TPTE: variants seen among roughly 807,000 people sequenced by gnomAD.
TPTE encodes the protein transmembrane phosphatase with tensin homology, also known as putative tyrosine-protein phosphatase TPTE.
TPTE carries 59 observed loss-of-function variants against 84.1 expected under a neutral mutation model. The ratio of observed to expected loss-of-function variants is 0.70; its 90% CI spans 0.57 to 0.87. The LOEUF (loss-of-function observed/expected upper bound fraction) is 0.87. Ranked by LOEUF, TPTE falls within the 40% of genes least tolerant of loss-of-function variation. The pLI is 0.00. For missense variants in TPTE, 382 were observed against 659.6 expected (o/e 0.58, Z 4.61); for synonymous variants, 130 against 223.5 (o/e 0.58, Z 3.73).
chr21:10,600,575 T>A (rs1978348972), intron 21 of TPTE, among the ~76,000 whole-genome samples: 1 of 152,312 alleles, frequency 6.6e-6, no homozygotes, highest in South Asian at 2.1e-4. Flanking sequence ...AATGAAATTT[T>A]TGCATTCTGC....
chr21:10,579,931 C>T (rs1187739424), intron 17 of TPTE, among the ~76,000 whole-genome samples: 5 of 152,304 alleles, frequency 3.3e-5, no homozygotes, highest in African/African-American at 1.2e-4. Context: ...TTTGAGAAAT[C>T]TCAGTGCTGT....
chr21:10,565,339 G>A (rs1242788998), intron 10 of TPTE, among the ~76,000 whole-genome samples: 2 of 152,306 alleles, frequency 1.3e-5, no homozygotes, highest in African/African-American at 2.4e-5. Context: ...ATAAAACACT[G>A]ATGAAAGAAA....
At chr21:10,566,977 C>CAAAAAAAAAAAAAAAAAAAACAAAAAA in intron 10 of TPTE, among the ~76,000 whole-genome samples, 1 of 126,114 alleles carries the variant, frequency 7.9e-6, no homozygotes, top group Non-Finnish European at 1.8e-5. Context: ...AACTCCATCT[C>CAAAAAAAAAAAAAAAAAAAACAAAAAA]AAAAAAAAAA....
At chr21:10,524,536 G>A (rs1284467715) in intron 1 of TPTE, 44 bp from the exon 2 acceptor site, 1 of 152,516 alleles carries the variant, frequency 6.6e-6, no homozygotes, top group African/African-American at 2.4e-5. Flanking sequence ...GGCAACAAGA[G>A]AGAAAACTGC....
chr21:10,603,555 T>G lies in TPTE; in HGVS notation c.1450-7T>G. ...AGTTTTACTTTGAAATTTTTTTTTC[T>G]TTTTAGAATCTTCCTACATACTATG... On this transcript the variant is annotated splice_region_variant and splice_polypyrimidine_tract_variant and intron_variant, in intron 22 of 23. Transcript: ENST00000618007. 1 of 1,608,942 alleles carries G rather than the reference T, an allele frequency of 6.2e-7. No individual in the cohort carries two copies. The highest frequency in any genetic ancestry group is 8.5e-7 in the Non-Finnish European group (1 of 1,177,626).
intron 7 of TPTE, among the ~76,000 whole-genome samples, chr21:10,552,125 G>A (rs2074586800): frequency 6.6e-6 from 1 of 152,310 alleles, no homozygotes; most frequent in Admixed American, 6.5e-5. Context: ...GTGATCATTA[G>A]CATTTTTTAA....
chr21:10,564,688 G>T (rs1368901713), intron 10 of TPTE, among the ~76,000 whole-genome samples: 2 of 152,310 alleles, frequency 1.3e-5, no homozygotes, highest in Non-Finnish European at 2.9e-5. Context: ...ATGCAAGGAT[G>T]GTTCAACATT....
chr21:10,540,630 T>G (rs2074351556), intron 4 of TPTE: 1 of 518,926 alleles, frequency 1.9e-6, no homozygotes, highest in South Asian at 1.4e-5. Context: ...TACCGTTATG[T>G]GAGGCTGACT....
chr21:10,540,733 G>C (rs2074354033), intron 4 of TPTE: 1 of 519,828 alleles, frequency 1.9e-6, no homozygotes, highest in Non-Finnish European at 3.8e-6. Context: ...GAGACAACTA[G>C]GATGGGTGAA....
At chr21:10,599,824 TTAGTTGG>T (rs1600987898) in intron 21 of TPTE, among the ~76,000 whole-genome samples, 84 of 152,058 alleles carry the variant, frequency 5.5e-4, no homozygotes, top group African/African-American at 1.8e-3. Flanking sequence ...AGTTAGTTAG[TTAGTTGG>T]TTCTTTCTTT....
At chr21:10,549,312 A>G (rs1600884138) in intron 7 of TPTE, among the ~76,000 whole-genome samples, 1 of 152,428 alleles carries the variant, frequency 6.6e-6, no homozygotes, top group South Asian at 2.1e-4. Flanking sequence ...AGCAACCATG[A>G]AAATGCAAGA....
At chr21:10,542,575 C>G (rs1221188502) in intron 6 of TPTE, 127 bp downstream of exon 6, 3 of 1,251,324 alleles carry the variant, frequency 2.4e-6, no homozygotes, top group Non-Finnish European at 3.4e-6. Context: ...ATCCATCCAT[C>G]CATCCATCCA....
At chr21:10,537,893 C>T (rs2145606104) in intron 3 of TPTE, among the ~76,000 whole-genome samples, 1 of 152,424 alleles carries the variant, frequency 6.6e-6, no homozygotes, top group Admixed American at 6.5e-5. Context: ...AAAACTTTGA[C>T]ACATGTGTCT....
At position 10,526,539 on chromosome 21, in the gene TPTE, AG is replaced by A. The variant is rs2074082362; in HGVS notation, c.-101-815del. On this transcript the variant is annotated intron_variant, in intron 2 of 23. Coordinates refer to ENST00000618007, the MANE Select transcript of TPTE (RefSeq NM_199261.4). Reference sequence around the variant, plus strand: ...CTCTTAGAGAATCCCAGTTGTTATCAGCAGCAAAAAAATGTATGTGATCAGT... The same window carrying A: ...CTCTTAGAGAATCCCAGTTGTTATCACAGCAAAAAAATGTATGTGATCAGT... Among the ~76,000 whole-genome samples, 5 of 152,420 alleles carry A rather than the reference AG, an allele frequency of 3.3e-5. No homozygotes were observed. In the South Asian group the frequency reaches 1.0e-3, roughly 32 times the overall value.
At chr21:10,586,050 T>C (rs2075358571) in intron 17 of TPTE, among the ~76,000 whole-genome samples, 1 of 152,304 alleles carries the variant, frequency 6.6e-6, no homozygotes, top group Admixed American at 6.5e-5. Flanking sequence ...TTGTGGTCTC[T>C]ATTTTTTACT....
chr21:10,532,025 C>T (rs1285168230), intron 3 of TPTE, among the ~76,000 whole-genome samples: 2 of 152,310 alleles, frequency 1.3e-5, no homozygotes, highest in African/African-American at 4.8e-5. Flanking sequence ...GGCATCCCTA[C>T]ACCTTTTTTT....
chr21:10,577,594 T>C (rs1221407116), intron 15 of TPTE, 74 bp downstream of exon 15: 2 of 1,610,656 alleles, frequency 1.2e-6, no homozygotes, highest in Non-Finnish European at 1.7e-6. Context: ...TGATTTTGTT[T>C]TTTAGATTGC....
intron 17 of TPTE, among the ~76,000 whole-genome samples, chr21:10,585,000 TG>T (rs1428642288): frequency 6.6e-6 from 1 of 152,286 alleles, no homozygotes; most frequent in African/African-American, 2.4e-5. Context: ...GGAGGCCCAG[TG>T]GGGGCAGATC....
At chr21:10,582,361 A>G (rs984595689) in intron 17 of TPTE, among the ~76,000 whole-genome samples, 1 of 152,312 alleles carries the variant, frequency 6.6e-6, no homozygotes, top group Non-Finnish European at 1.5e-5. Context: ...AGTTCTCTCT[A>G]CCACACTTTT....
Sources: gnomAD v4.1 joint callset for allele counts (sites outside exome capture counted in the v4.1 genomes callset) on GRCh38, gnomAD v4.1.1 for gene constraint, MANE v1.5 for transcripts, NCBI Gene and HGNC (gene_info 2026-07-23, HGNC 2026-07-21) for gene names.